The following ZMYM4 variants were observed in gnomAD, a reference collection of about 807,000 sequenced individuals.
ZMYM4 encodes the protein zinc finger MYM-type protein 4.
ZMYM4 carries 31 observed loss-of-function variants against 183.2 expected under a neutral mutation model. The observed-to-expected ratio is 0.17, with a 90% CI of 0.13 to 0.23. ZMYM4 has a LOEUF of 0.23. Among genes scored for constraint, ZMYM4 ranks in the 10% least tolerant of loss-of-function variants. The pLI, the probability that ZMYM4 is intolerant of heterozygous loss-of-function variation, is 1.00. For missense variants in ZMYM4, 1,273 were observed against 1,840.3 expected, an observed-to-expected ratio of 0.69 and a Z score of 5.64; for synonymous variants, 592 against 631.2, an observed-to-expected ratio of 0.94 and a Z score of 0.93.
chr1:35,404,525 A>T (rs1644967883), intron 23 of ZMYM4, among the ~76,000 whole-genome samples: 1 of 152,202 alleles, frequency 6.6e-6, no homozygotes, highest in Non-Finnish European at 1.5e-5. Context: ...TTTAAGTTCA[A>T]AATGTTTTGT....
chr1:35,339,240 C>CT (rs797007246), intron 2 of ZMYM4, among the ~76,000 whole-genome samples: 135 of 147,468 alleles, frequency 9.2e-4, no homozygotes, highest in South Asian at 1.7e-3. Context: ...ACATTATATT[C>CT]TTTTTTTTTT....
At chr1:35,290,283 C>T (rs576175303) in intron 1 of ZMYM4, among the ~76,000 whole-genome samples, 1 of 152,266 alleles carries the variant, frequency 6.6e-6, no homozygotes, top group South Asian at 2.1e-4. Context: ...TTCCAGTTTT[C>T]TTGTCTTTTT....
chr1:35,270,723 G>A (rs2148659532), intron 1 of ZMYM4, among the ~76,000 whole-genome samples: 1 of 152,268 alleles, frequency 6.6e-6, no homozygotes, highest in African/African-American at 2.4e-5. Flanking sequence ...GTAGCAGTGA[G>A]CCGAGATCGT....
At chr1:35,316,418 T>C (rs1484511093) in intron 1 of ZMYM4, among the ~76,000 whole-genome samples, 1 of 152,254 alleles carries the variant, frequency 6.6e-6, no homozygotes, top group East Asian at 1.9e-4. Context: ...TCATTTACCA[T>C]AGTGTGTTAA....
chr1:35,281,588 T>C (rs1417825570), intron 1 of ZMYM4, among the ~76,000 whole-genome samples: 2 of 151,884 alleles, frequency 1.3e-5, no homozygotes, highest in African/African-American at 4.8e-5. Flanking sequence ...TACATACGTG[T>C]GTATCAAAAC....
intron 5 of ZMYM4, among the ~76,000 whole-genome samples, chr1:35,366,252 C>T (rs1169151529): frequency 6.6e-6 from 1 of 152,120 alleles, no homozygotes; most frequent in Non-Finnish European, 1.5e-5. Context: ...TCATGTAATT[C>T]AGACATTTCT....
chr1:35,323,533 GTTT>G (rs1460688033), intron 1 of ZMYM4, among the ~76,000 whole-genome samples: 3 of 150,422 alleles, frequency 2.0e-5, no homozygotes. Context: ...TTCGTTTTTT[GTTT>G]TTTGTTTTTT....
At chr1:35,309,934 T>G (rs1641717191) in intron 1 of ZMYM4, among the ~76,000 whole-genome samples, 1 of 150,826 alleles carries the variant, frequency 6.6e-6, no homozygotes, top group African/African-American at 2.4e-5. Context: ...TTTTTTTGTT[T>G]TTTTTTTTTT....
At chr1:35,330,097 C>G (rs1642673271) in intron 2 of ZMYM4, among the ~76,000 whole-genome samples, 3 of 151,852 alleles carry the variant, frequency 2.0e-5, no homozygotes, top group Admixed American at 1.3e-4. Flanking sequence ...TGCCTGTAGT[C>G]CCAGCTGCTT....
intron 1 of ZMYM4, among the ~76,000 whole-genome samples, chr1:35,300,030 C>T (rs867653855): frequency 1.3e-5 from 2 of 151,954 alleles, no homozygotes; most frequent in Non-Finnish European, 2.9e-5. Context: ...CTCCTGACCT[C>T]GTGATCCGCC....
intron 1 of ZMYM4, among the ~76,000 whole-genome samples, chr1:35,271,307 G>A (rs1366674769): frequency 2.0e-5 from 3 of 151,082 alleles, no homozygotes; most frequent in East Asian, 1.9e-4. Flanking sequence ...GCCTCTTGTC[G>A]TACACTTAAA....
intron 2 of ZMYM4, among the ~76,000 whole-genome samples, chr1:35,342,150 T>C (rs1437740366): frequency 6.6e-6 from 1 of 152,048 alleles, no homozygotes; most frequent in Non-Finnish European, 1.5e-5. Context: ...TTTCAAGGCA[T>C]TTGTTCATTT....
At chr1:35,300,393 C>T (rs1458386279) in intron 1 of ZMYM4, among the ~76,000 whole-genome samples, 1 of 152,018 alleles carries the variant, frequency 6.6e-6, no homozygotes, top group Admixed American at 6.6e-5. Flanking sequence ...TTGATTATGC[C>T]TTGGTATGGT....
At chr1:35,293,756 TAG>T (rs1213189208) in intron 1 of ZMYM4, among the ~76,000 whole-genome samples, 1 of 151,724 alleles carries the variant, frequency 6.6e-6, no homozygotes, top group East Asian at 1.9e-4. Flanking sequence ...GGAGAAAGAG[TAG>T]AAGTCAAGGG....
At chr1:35,295,285 T>C (rs1640951384) in intron 1 of ZMYM4, among the ~76,000 whole-genome samples, 1 of 152,160 alleles carries the variant, frequency 6.6e-6, no homozygotes, top group African/African-American at 2.4e-5. Flanking sequence ...AGAAGTCATA[T>C]GGGTATCTGA....
chr1:35,398,574 A>G lies in ZMYM4; in HGVS notation c.3253+108A>G, dbSNP rs113626740. 8.0e-6 allele frequency: 8 copies of G among 1,005,184 alleles called. 1 individual carries two copies. The highest frequency in any genetic ancestry group is 4.9e-5 in the African/African-American group (3 of 61,456). The allele number at this position is 1,005,184 out of a possible 1,614,324, so 62.3% of individuals were successfully genotyped here. Reference sequence around the variant, plus strand: ...CATATTTGTAATTTTAACTATTTGTAAGGGGTATCAGATGTATATGAAGTG... The same window carrying G: ...CATATTTGTAATTTTAACTATTTGTGAGGGGTATCAGATGTATATGAAGTG... On this transcript the variant is annotated intron_variant, in intron 21 of 29. Coordinates refer to ENST00000314607, the MANE Select transcript of ZMYM4 (RefSeq NM_005095.3).
chr1:35,388,043 C>T (rs186629293), intron 13 of ZMYM4, among the ~76,000 whole-genome samples: 1 of 152,204 alleles, frequency 6.6e-6, no homozygotes, highest in Admixed American at 6.5e-5. Flanking sequence ...GATTGTTTTC[C>T]TTAGATAACT....
At chr1:35,364,012 A>G (rs1644009073) in intron 5 of ZMYM4, among the ~76,000 whole-genome samples, 2 of 152,192 alleles carry the variant, frequency 1.3e-5, no homozygotes, top group Non-Finnish European at 2.9e-5. Context: ...GAACACTGAG[A>G]AGGTTATTAG....
At chr1:35,295,989 G>A (rs989542761) in intron 1 of ZMYM4, 1 of 152,142 alleles carries the variant, frequency 6.6e-6, no homozygotes, top group Non-Finnish European at 1.5e-5. Context: ...CTGATTACCG[G>A]TATGTCCCTG....
Sources: gnomAD v4.1 joint callset for allele counts (sites outside exome capture counted in the v4.1 genomes callset) on GRCh38, gnomAD v4.1.1 for gene constraint, MANE v1.5 for transcripts, NCBI Gene and HGNC (gene_info 2026-07-23, HGNC 2026-07-21) for gene names.